Variants in SOCS7 observed in about 807,000 individuals in gnomAD.
SOCS7 encodes the protein NAP-4.
A neutral mutation model predicts 58.9 loss-of-function variants in SOCS7; 18 were observed. The ratio of observed to expected loss-of-function variants is 0.31; its 90% CI spans 0.21 to 0.45. SOCS7 has a LOEUF of 0.45. SOCS7 is among the 20% of genes least tolerant of loss of function. The pLI is 1.00. For synonymous variants in SOCS7, 388 were observed against 364.3 expected (o/e 1.06, Z -0.74); for missense variants, 667 against 837.3 (o/e 0.80, Z 2.51).
At chr17:38,357,015 G>A (rs754196554) in intron 1 of SOCS7, among the ~76,000 whole-genome samples, 1 of 152,214 alleles carries the variant, frequency 6.6e-6, no homozygotes, top group Non-Finnish European at 1.5e-5. Context: ...GTTAACAGAT[G>A]AGGCTATTAC....
intron 8 of SOCS7, among the ~76,000 whole-genome samples, 176 bp downstream of exon 8, chr17:38,395,620 G>T (rs1479494950): frequency 6.6e-6 from 1 of 152,156 alleles, no homozygotes; most frequent in Non-Finnish European, 1.5e-5. Flanking sequence ...CTGTCATATT[G>T]CAGCCAGAGG....
At chr17:38,356,586 A>T (rs924626371) in intron 1 of SOCS7, among the ~76,000 whole-genome samples, 1 of 151,932 alleles carries the variant, frequency 6.6e-6, no homozygotes, top group African/African-American at 2.4e-5. Flanking sequence ...GCTGGTCTCG[A>T]ACTCCTGAGC....
chr17:38,373,018 A>C (rs2037887467), intron 6 of SOCS7, among the ~76,000 whole-genome samples: 1 of 152,150 alleles, frequency 6.6e-6, no homozygotes, highest in South Asian at 2.1e-4. Context: ...AGGCAGGAGA[A>C]TCGATTGAAC....
rs1342556239 is a variant in SOCS7, at chr17:38,352,318, A to T, written c.266A>T (p.Glu89Val). The change falls in exon 1 of 10, where the codon GAA becomes GTA. Residue 89 changes from glutamate (E) to valine (V), a missense_variant. Around this residue, in one of 9 missense-constraint regions of SOCS7, gnomAD observed 154 missense variants for 156.3 expected, o/e 0.98. Transcript: ENST00000612932. This position sits in a 1 kb window ranked among gnomAD's most constrained non-coding sequence, Gnocchi z 5.5. ...GCGGCCCCGGAGCCGGGACCCTCGG[A>T]ACTGCTGTGTCCCCGGCACCGCTGT... The part of the protein sequence containing the change: ...VEAAPEPGPS[E>V]LLCPRHRCAL... The T allele has an allele frequency of 6.7e-7, 1 of 1,486,584 alleles. No individual in the cohort carries two copies. Among genetic ancestry groups the T allele is most frequent in the South Asian group, 1.3e-5 (1 of 77,986 alleles). 92.1% of individuals were successfully genotyped at this position (1,486,584 alleles called of 1,614,324 possible). A position where few individuals can be genotyped will look rare whatever the true frequency, so the allele number is the denominator to read the frequency against.
intron 1 of SOCS7, among the ~76,000 whole-genome samples, chr17:38,359,595 CTA>C: frequency 6.6e-6 from 1 of 152,176 alleles, no homozygotes; most frequent in Middle Eastern, 3.4e-3. Flanking sequence ...TTGCCCCTCT[CTA>C]TTGGTGCAGT....
intron 6 of SOCS7, among the ~76,000 whole-genome samples, chr17:38,368,379 A>G (rs927532380): frequency 1.7e-4 from 26 of 152,230 alleles, no homozygotes; most frequent in Non-Finnish European, 2.8e-4. Flanking sequence ...ACCTAGGACC[A>G]TTAGGCAAAT....
At chr17:38,369,529 T>C (rs1182322004) in intron 6 of SOCS7, among the ~76,000 whole-genome samples, 1 of 152,166 alleles carries the variant, frequency 6.6e-6, no homozygotes, top group Non-Finnish European at 1.5e-5. Context: ...AAACAAAATG[T>C]GAAGCGGAGC....
At position 38,352,479 on chromosome 17, in the gene SOCS7, G is replaced by A; in HGVS notation, c.427G>A (p.Gly143Ser). Residue 143 changes from glycine (G) to serine (S), a missense_variant, in exon 1 of 10, where the codon GGT becomes AGT. Transcript: ENST00000612932. The surrounding 1 kb of genome is among the most constrained non-coding windows in gnomAD (Gnocchi z 5.5). ...GCCGGGGGTCAAGACAGTCGGTGGGGGTTGCTGCCCGTGTCCGTGTCCTCC... is the reference window on the plus strand; with the variant it reads ...GCCGGGGGTCAAGACAGTCGGTGGGAGTTGCTGCCCGTGTCCGTGTCCTCC... ...AGPGVKTVGG[G>S]CCPCPCPPQP... 1.3e-6 allele frequency: 2 copies of A among 1,522,094 alleles called. No individual in the cohort carries two copies. Among genetic ancestry groups the A allele is most frequent in the Non-Finnish European group, 1.8e-6 (2 of 1,133,910 alleles). The allele number at this position is 1,522,094 out of a possible 1,614,324, so 94.3% of individuals were successfully genotyped here.
chr17:38,389,221 AC>A (rs1204631259), intron 7 of SOCS7, among the ~76,000 whole-genome samples: 1 of 152,172 alleles, frequency 6.6e-6, no homozygotes, highest in Non-Finnish European at 1.5e-5. Flanking sequence ...TCTATTCACA[AC>A]CTTTGCTCAT....
At chr17:38,384,193 A>T (rs950572389) in intron 7 of SOCS7, among the ~76,000 whole-genome samples, 1 of 152,170 alleles carries the variant, frequency 6.6e-6, no homozygotes, top group Non-Finnish European at 1.5e-5. Flanking sequence ...AACCCTGTGT[A>T]TCCATCACCC....
intron 6 of SOCS7, among the ~76,000 whole-genome samples, chr17:38,368,962 T>C (rs1005295699): frequency 5.3e-5 from 8 of 152,230 alleles, no homozygotes; most frequent in African/African-American, 1.7e-4. Flanking sequence ...TGTGATCAGA[T>C]GGTACTTCAT....
At chr17:38,381,943 T>G (rs2038005893) in intron 7 of SOCS7, among the ~76,000 whole-genome samples, 1 of 82,052 alleles carries the variant, frequency 1.2e-5, no homozygotes, top group African/African-American at 7.8e-5. Context: ...AAAGACTCTG[T>G]CTCAAAAAAA....
Position 38,352,779 on chromosome 17 carries a change from GAGC to G in SOCS7, c.750_752del (p.Gln251del), listed in dbSNP as rs55849419. On this transcript the variant is annotated inframe_deletion, in exon 1 of 10. Coordinates refer to ENST00000612932, the MANE Select transcript of SOCS7 (RefSeq NM_014598.4). The surrounding 1 kb of genome is among the most constrained non-coding windows in gnomAD (Gnocchi z 5.5). ...CCCTCTGGGGCGCCTGAGTAGAGGGGAGCAGCAGCAGCAGCAGCAGCAGCAACC... is the reference window on the plus strand; with the variant it reads ...CCCTCTGGGGCGCCTGAGTAGAGGGGAGCAGCAGCAGCAGCAGCAGCAACC... 522 of 1,544,896 alleles carry G rather than the reference GAGC, an allele frequency of 3.4e-4. 1 individual carries two copies. Among genetic ancestry groups the G allele is most frequent in the Middle Eastern group, 1.1e-3 (6 of 5,504 alleles).
chr17:38,371,426 C>T (rs750121970), intron 6 of SOCS7, among the ~76,000 whole-genome samples: 15 of 152,248 alleles, frequency 9.9e-5, no homozygotes, highest in South Asian at 4.2e-4. Flanking sequence ...CGTGCCACCA[C>T]GCCCAGCTAA....
At chr17:38,365,603 A>C (rs1390712053) in intron 4 of SOCS7, 194 bp downstream of exon 4, 2 of 437,052 alleles carry the variant, frequency 4.6e-6, no homozygotes, top group African/African-American at 4.1e-5. Context: ...TTCTTTATGG[A>C]GGTCAATCTG....
At chr17:38,389,900 C>CATATATATATATGTATGT (rs1263290062) in intron 7 of SOCS7, among the ~76,000 whole-genome samples, 1 of 20,184 alleles carries the variant, frequency 5.0e-5, no homozygotes, top group African/African-American at 1.6e-4. Context: ...TATATATATA[C>CATATATATATATGTATGT]ACATATAGAG....
At chr17:38,365,729 G>T in intron 4 of SOCS7, 1 of 251,884 alleles carries the variant, frequency 4.0e-6, no homozygotes, top group Non-Finnish European at 7.4e-6. Context: ...AGGATAGTGA[G>T]GTTTAATATG....
In SOCS7 at chr17:38,351,921, T is replaced by TATG. The variant is rs1031326297; in HGVS notation, c.-130_-128dup. On this transcript the variant is annotated 5_prime_UTR_variant, in exon 1 of 10. In the 5' UTR this introduces an upstream ATG that the reference lacks. Transcript: ENST00000612932. ...GCTCCGCGCGCCCCCCGCCCCCCTC[T>TATG]ATGAGGCAGAGGCCGCGGCGGCCGT... Among the ~76,000 whole-genome samples the TATG allele has an allele frequency of 5.3e-5, 8 of 150,892 alleles. No individual in the cohort carries two copies. Among genetic ancestry groups the TATG allele is most frequent in the Non-Finnish European group, 1.0e-4 (7 of 67,684 alleles).
chr17:38,378,706 C>T (rs1317608521), intron 7 of SOCS7, among the ~76,000 whole-genome samples: 3 of 152,142 alleles, frequency 2.0e-5, no homozygotes, highest in African/African-American at 4.8e-5. Flanking sequence ...AGTTGCTATC[C>T]TTGCTGATGT....
Sources: gnomAD v4.1 joint callset for allele counts (sites outside exome capture counted in the v4.1 genomes callset) on GRCh38, gnomAD v4.1.1 for gene constraint, gnomAD v4.1.1 regional missense constraint, Gnocchi (gnomAD v3.1) non-coding constraint, MANE v1.5 for transcripts, NCBI Gene and HGNC (gene_info 2026-07-23, HGNC 2026-07-21) for gene names.